ME1: variants seen among roughly 807,000 people sequenced by gnomAD.
ME1 encodes the protein NADP-dependent malic enzyme.
Under a neutral mutation model 66.4 loss-of-function variants are expected in ME1, and 74 were observed. The observed-to-expected ratio is 1.11, with a 90% CI of 0.92 to 1.35. The LOEUF (loss-of-function observed/expected upper bound fraction) is 1.35. Ranked by LOEUF, ME1 falls within the 40% of genes most tolerant of loss-of-function variation. The pLI, the probability that ME1 is intolerant of heterozygous loss-of-function variation, is 0.00. For synonymous variants in ME1, 251 were observed against 235.6 expected (o/e 1.07, Z -0.60); for missense variants, 750 against 694.1 (o/e 1.08, Z -0.90).
At chr6:83,217,682 A>G (rs1037932759) in intron 12 of ME1, among the ~76,000 whole-genome samples, 26 of 152,290 alleles carry the variant, frequency 1.7e-4, no homozygotes, top group African/African-American at 6.3e-4. Context: ...TGAAAGGCAA[A>G]CCTACAGGAA....
intron 5 of ME1, among the ~76,000 whole-genome samples, chr6:83,325,308 A>G (rs1768267224): frequency 6.6e-6 from 1 of 152,224 alleles, no homozygotes; most frequent in South Asian, 2.1e-4. Context: ...CTGGCACAAG[A>G]CAAGGATGCC....
intron 3 of ME1, among the ~76,000 whole-genome samples, chr6:83,352,543 G>A (rs1208566353): frequency 6.6e-6 from 1 of 152,050 alleles, no homozygotes; most frequent in African/African-American, 2.4e-5. Flanking sequence ...TATTTCCAAC[G>A]TATATGCCAC....
intron 2 of ME1, among the ~76,000 whole-genome samples, chr6:83,404,764 A>G (rs1281791234): frequency 1.3e-5 from 2 of 152,224 alleles, no homozygotes; most frequent in African/African-American, 4.8e-5. Context: ...TAAATAGGGA[A>G]TCCTTTCTCC....
intron 7 of ME1, among the ~76,000 whole-genome samples, chr6:83,245,103 G>T (rs1170179736): frequency 6.6e-6 from 1 of 152,014 alleles, no homozygotes; most frequent in East Asian, 1.9e-4. Context: ...AACACTCCTT[G>T]GAGAAGCTTA....
rs1562447470 is a variant in ME1, at chr6:83,211,927, C to A, written c.1716G>T (p.Gln572His). 6.3e-7 allele frequency: 1 copy of A among 1,579,518 alleles called. No homozygotes were observed. Among genetic ancestry groups the A allele is most frequent in the Non-Finnish European group, 8.6e-7 (1 of 1,161,932 alleles). Residue 572 changes from glutamine to histidine, a missense_variant, in exon 14 of 14, where the codon CAG becomes CAT. By Grantham distance (24) the Gln-to-His change is conservative. Coordinates refer to ENST00000369705, the MANE Select transcript of ME1 (RefSeq NM_002395.6). The part of the protein sequence containing the change: ...EVQKIQTKVD[Q>H] ...GTTAGAAATGTTTGCTATTATCCTA[C>A]TGGTCAACTTTGGTCTGTATTTTCT...
At chr6:83,258,370 G>C (rs951604339) in intron 6 of ME1, among the ~76,000 whole-genome samples, 1 of 152,078 alleles carries the variant, frequency 6.6e-6, no homozygotes, top group African/African-American at 2.4e-5. Context: ...AGAAAGCCAC[G>C]TAAGGGATAA....
intron 5 of ME1, among the ~76,000 whole-genome samples, chr6:83,334,015 C>T (rs371889514): frequency 3.3e-5 from 5 of 151,874 alleles, no homozygotes; most frequent in Non-Finnish European, 7.4e-5. Context: ...GCGTGAGCGA[C>T]GCAGAAGACG....
chr6:83,349,175 C>T (rs1768750998), intron 4 of ME1, among the ~76,000 whole-genome samples: 1 of 151,670 alleles, frequency 6.6e-6, no homozygotes, highest in South Asian at 2.1e-4. Flanking sequence ...GATATTTATG[C>T]TTTATTACAA....
chr6:83,251,985 G>A (rs958436323), intron 7 of ME1, among the ~76,000 whole-genome samples: 2 of 152,180 alleles, frequency 1.3e-5, no homozygotes, highest in Admixed American at 1.3e-4. Context: ...ATAAGAAGGG[G>A]AAGCAAGAGT....
chr6:83,277,784 C>A (rs1351074280), intron 6 of ME1, among the ~76,000 whole-genome samples: 1 of 151,890 alleles, frequency 6.6e-6, no homozygotes, highest in Non-Finnish European at 1.5e-5. Context: ...TGGCTGTAAT[C>A]GCAGCTACAC....
At chr6:83,349,434 T>G (rs558289414) in intron 4 of ME1, among the ~76,000 whole-genome samples, 1 of 143,080 alleles carries the variant, frequency 7.0e-6, no homozygotes, top group South Asian at 2.2e-4. Flanking sequence ...ATTCTATCAG[T>G]GATGTCTGTT....
At chr6:83,328,344 A>G (rs750814637) in intron 5 of ME1, among the ~76,000 whole-genome samples, 16 of 152,194 alleles carry the variant, frequency 1.1e-4, no homozygotes, top group Non-Finnish European at 2.4e-4. Context: ...GAGGGATAGC[A>G]TTAGGAAATA....
rs1245020714 is a variant in ME1, at chr6:83,405,722, G to GTT, written c.212+2044_212+2045dup. ...GAGAGTTTTTTTTGTTGTTGTTGTT[G>GTT]TTTTTTTTTTTTTTTTTGAGACGGA... is the stretch of plus-strand genomic sequence containing the variant. On this transcript the variant is annotated intron_variant, in intron 2 of 13. Coordinates refer to ENST00000369705, the MANE Select transcript of ME1 (RefSeq NM_002395.6). Among the ~76,000 whole-genome samples the GTT allele has an allele frequency of 2.3e-3, 296 of 126,240 alleles. 3 individuals carry two copies. The highest frequency in any genetic ancestry group is 4.2e-3 in the African/African-American group (131 of 31,564). 82.8% of individuals were successfully genotyped at this position (126,240 alleles called of 152,430 possible). A position where few individuals can be genotyped will look rare whatever the true frequency, so the allele number is the denominator to read the frequency against.
chr6:83,353,514 A>G (rs1299076379), intron 3 of ME1, among the ~76,000 whole-genome samples: 1 of 151,988 alleles, frequency 6.6e-6, no homozygotes, highest in Non-Finnish European at 1.5e-5. Flanking sequence ...AAGCTGGTTA[A>G]CTACATTTCT....
chr6:83,387,551 G>A (rs1290884787), intron 3 of ME1, among the ~76,000 whole-genome samples: 2 of 151,156 alleles, frequency 1.3e-5, no homozygotes, highest in East Asian at 1.9e-4. Flanking sequence ...ATTTCTAATC[G>A]TGGTCATGAT....
chr6:83,262,375 T>C (rs75758427), intron 6 of ME1, among the ~76,000 whole-genome samples: 1 of 152,194 alleles, frequency 6.6e-6, no homozygotes, highest in Non-Finnish European at 1.5e-5. Flanking sequence ...ATATAAGGGA[T>C]GCAGAAATTT....
At chr6:83,313,431 T>C in intron 6 of ME1, among the ~76,000 whole-genome samples, 1 of 152,182 alleles carries the variant, frequency 6.6e-6, no homozygotes, top group Non-Finnish European at 1.5e-5. Flanking sequence ...TGGATTGATA[T>C]AAAATATTCA....
chr6:83,389,964 A>C (rs934825839), intron 3 of ME1, among the ~76,000 whole-genome samples: 1 of 152,132 alleles, frequency 6.6e-6, no homozygotes, highest in Non-Finnish European at 1.5e-5. Context: ...CTTAAAAATG[A>C]TTATCTATGA....
At chr6:83,229,001 A>G in intron 9 of ME1, 70 bp from the exon 10 acceptor site, 1 of 921,862 alleles carries the variant, frequency 1.1e-6, no homozygotes, top group Non-Finnish European at 1.7e-6. Flanking sequence ...TTCGGTACAT[A>G]TATTACAAAT....
Sources: allele counts gnomAD v4.1 joint callset (sites outside exome capture counted in the v4.1 genomes callset), GRCh38; gene constraint gnomAD v4.1.1; transcripts MANE v1.5; gene names NCBI Gene and HGNC (gene_info 2026-07-23, HGNC 2026-07-21).